Variants in PJA2 observed in about 807,000 individuals in gnomAD.
PJA2 encodes the protein praja ring finger ubiquitin ligase 2, also known as E3 ubiquitin-protein ligase Praja-2.
Under a neutral mutation model 69.3 loss-of-function variants are expected in PJA2, and 25 were observed. The ratio of observed to expected loss-of-function variants is 0.36; its 90% CI spans 0.26 to 0.50. PJA2 has a LOEUF of 0.50. Ranked by LOEUF, PJA2 falls within the 20% of genes least tolerant of loss-of-function variation. The pLI, the probability that PJA2 is intolerant of heterozygous loss-of-function variation, is 0.96. For synonymous variants in PJA2, 308 were observed against 277.8 expected (o/e 1.11, Z -1.08); for missense variants, 809 against 830.2 (o/e 0.97, Z 0.31).
chr5:109,404,793 T>C (rs1747644449), intron 1 of PJA2, among the ~76,000 whole-genome samples: 1 of 152,184 alleles, frequency 6.6e-6, no homozygotes, highest in Admixed American at 6.5e-5. Flanking sequence ...TTCAATGCTA[T>C]GAATTTTGGA....
intron 9 of PJA2, among the ~76,000 whole-genome samples, chr5:109,341,292 G>A (rs1185031748): frequency 4.2e-5 from 6 of 142,704 alleles, no homozygotes; most frequent in African/African-American, 5.3e-5. Flanking sequence ...CTGCCCCGCC[G>A]CCCCATCTGG....
At position 109,342,262 on chromosome 5, in the gene PJA2, G is replaced by A. The variant is rs867997516; in HGVS notation, c.2001+1928C>T. Among the ~76,000 whole-genome samples, 44 of 75,502 alleles carry A rather than the reference G, an allele frequency of 5.8e-4. 1 individual carries two copies. Among genetic ancestry groups the A allele is most frequent in the African/African-American group, 1.8e-3 (31 of 16,902 alleles). 49.5% of individuals were successfully genotyped at this position (75,502 alleles called of 152,430 possible). Reference sequence around the variant, plus strand: ...CAGGAGGTGAGGGGCGCCTCTGCCCGGCCGCCCCTACTGGGAAGTGAGGAG... The same window carrying A: ...CAGGAGGTGAGGGGCGCCTCTGCCCAGCCGCCCCTACTGGGAAGTGAGGAG... On this transcript the variant is annotated intron_variant, in intron 9 of 9. Coordinates refer to ENST00000361189, the MANE Select transcript of PJA2 (RefSeq NM_014819.5).
At chr5:109,363,543 T>C (rs960370508) in intron 5 of PJA2, among the ~76,000 whole-genome samples, 2 of 152,192 alleles carry the variant, frequency 1.3e-5, no homozygotes, top group African/African-American at 4.8e-5. Context: ...CCACTTCCTC[T>C]ACCTAAAATG....
intron 7 of PJA2, among the ~76,000 whole-genome samples, chr5:109,353,667 C>T (rs1435284273): frequency 1.4e-5 from 2 of 146,092 alleles, no homozygotes; most frequent in African/African-American, 4.9e-5. Context: ...CCTATTATAT[C>T]TACAGACATC....
rs549815535 is a variant in PJA2 at position 109,361,658 on chromosome 5, C to A, written c.1652+1182G>T. On this transcript the variant is annotated intron_variant, in intron 6 of 9. Transcript: ENST00000361189. ...GAGAGACGTATCAAGATCAGCAAGA[C>A]TGGGACTAGGTAAAGCCACTTATTC... 3.3e-5 allele frequency among the ~76,000 whole-genome samples: 5 copies of A among 152,304 alleles called. No homozygotes were observed. The South Asian group carries it at 1.0e-3, about 32-fold the overall frequency.
chr5:109,340,536 CAAAAACAG>C (rs1762023543), intron 9 of PJA2, among the ~76,000 whole-genome samples: 1 of 150,600 alleles, frequency 6.6e-6, no homozygotes, highest in Non-Finnish European at 1.5e-5. Flanking sequence ...ATCCTTTATG[CAAAAACAG>C]AGTTCACAGA....
At chr5:109,383,597 A>C (rs1263245892) in intron 1 of PJA2, 77 bp from the exon 2 acceptor site, 1 of 532,808 alleles carries the variant, frequency 1.9e-6, no homozygotes, top group African/African-American at 1.9e-5. Context: ...TGCTCCTCCT[A>C]GTGAAGTCTT....
At position 109,343,602 on chromosome 5, in the gene PJA2, T is replaced by A. The variant is rs7722919; in HGVS notation, c.2001+588A>T. Among the ~76,000 whole-genome samples, 1,018 of 152,232 alleles carry A rather than the reference T, an allele frequency of 6.7e-3. 8 individuals carry two copies. The highest frequency in any genetic ancestry group is 0.023 in the African/African-American group (960 of 41,538). The stretch of plus-strand genomic sequence containing the variant: ...ATTAAAATTCTAATCAGCTTTATTC[T>A]AAAATGAGTTTTCAGATATTTAATC... On this transcript the variant is annotated intron_variant, in intron 9 of 9. Coordinates refer to ENST00000361189, the MANE Select transcript of PJA2 (RefSeq NM_014819.5).
At position 109,335,259 on chromosome 5, in the gene PJA2, G is replaced by T. The variant is rs1647157350; in HGVS notation, c.*1972C>A. The T allele has an allele frequency of 6.6e-6, 1 of 152,560 alleles. No homozygotes were observed. The highest frequency in any genetic ancestry group is 2.4e-5 in the African/African-American group (1 of 41,434). The allele number at this position is 152,560 out of a possible 1,614,324, so 9.5% of individuals were successfully genotyped here. ...TCAACTTTTCTTCTTCACAGCAGCT[G>T]TTTATAGATAGTAGGGAGCCAAGAA... On this transcript the variant is annotated 3_prime_UTR_variant, in exon 10 of 10. Coordinates refer to ENST00000361189, the MANE Select transcript of PJA2 (RefSeq NM_014819.5).
intron 1 of PJA2, among the ~76,000 whole-genome samples, chr5:109,386,398 A>AT: frequency 6.6e-6 from 1 of 152,146 alleles, no homozygotes. Context: ...GCCTGATAGG[A>AT]ATGCTACTAA....
At chr5:109,392,413 T>C (rs1200314997) in intron 1 of PJA2, among the ~76,000 whole-genome samples, 2 of 151,672 alleles carry the variant, frequency 1.3e-5, no homozygotes, top group East Asian at 1.9e-4. Flanking sequence ...ATACAAAAAT[T>C]TGCCGCGCAT....
chr5:109,362,133 C>CT lies in PJA2; in HGVS notation c.1652+706dup, dbSNP rs543426424. Among the ~76,000 whole-genome samples the CT allele has an allele frequency of 1.0e-3, 153 of 152,220 alleles. 1 individual carries two copies. The highest frequency in any genetic ancestry group is 3.6e-3 in the African/African-American group (149 of 41,530). ...AACAAGTGTAAATACACCAAGATAT[C>CT]TTTTTTGCCCCAGAAAAAGTAAAAA... On this transcript the variant is annotated intron_variant, in intron 6 of 9. Coordinates refer to ENST00000361189, the MANE Select transcript of PJA2 (RefSeq NM_014819.5).
At chr5:109,409,346 G>A (rs1344735873) in intron 1 of PJA2, 1 of 152,374 alleles carries the variant, frequency 6.6e-6, no homozygotes. Flanking sequence ...GGCAACAGAA[G>A]GCTCCTCGGG....
At chr5:109,353,325 A>G (rs1381845513) in intron 7 of PJA2, among the ~76,000 whole-genome samples, 3 of 142,100 alleles carry the variant, frequency 2.1e-5, no homozygotes, top group Admixed American at 1.5e-4. Flanking sequence ...AGATATCTAT[A>G]TATTAGATAC....
At chr5:109,362,016 T>G (rs1762514040) in intron 6 of PJA2, among the ~76,000 whole-genome samples, 1 of 152,186 alleles carries the variant, frequency 6.6e-6, no homozygotes, top group African/African-American at 2.4e-5. Flanking sequence ...ATAAATGAGT[T>G]TTTTCTTATT....
At chr5:109,385,839 T>A (rs1286725295) in intron 1 of PJA2, among the ~76,000 whole-genome samples, 3 of 152,204 alleles carry the variant, frequency 2.0e-5, no homozygotes, top group East Asian at 3.8e-4. Flanking sequence ...CATAATGAGA[T>A]ATCGTGGGGA....
intron 1 of PJA2, among the ~76,000 whole-genome samples, chr5:109,405,027 T>C (rs1243298903): frequency 1.3e-5 from 2 of 152,196 alleles, no homozygotes; most frequent in African/African-American, 4.8e-5. Context: ...AATAACATGA[T>C]TGTCTACATA....
Position 109,355,934 on chromosome 5 carries a change from C to T in PJA2, c.1745G>A (p.Arg582His). 6.2e-7 allele frequency: 1 copy of T among 1,612,998 alleles called. No individual in the cohort carries two copies. Among genetic ancestry groups the T allele is most frequent in the Non-Finnish European group, 8.5e-7 (1 of 1,179,346 alleles). ...ACATACCTCCATAGCCTGGGCTAAG[C>T]GTTCTTCTAGTGCCATGTAGGTAAG... ...QFLTYMALEE[R>H]LAQAMETALA... Residue 582 changes from arginine (R) to histidine (H), a missense_variant, in exon 7 of 10, where the codon CGC (arginine) becomes CAC (histidine). This residue lies in a region of PJA2 where 55 missense variants were observed against 90.7 expected (regional missense o/e 0.61). Coordinates refer to ENST00000361189, the MANE Select transcript of PJA2 (RefSeq NM_014819.5).
At chr5:109,399,018 C>T (rs1177618434) in intron 1 of PJA2, among the ~76,000 whole-genome samples, 2 of 151,958 alleles carry the variant, frequency 1.3e-5, no homozygotes, top group Non-Finnish European at 2.9e-5. Context: ...TCGAGACCAG[C>T]CTGGCCAACA....
Sources: allele counts gnomAD v4.1 joint callset (sites outside exome capture counted in the v4.1 genomes callset), GRCh38; gene constraint gnomAD v4.1.1; regional missense constraint gnomAD v4.1.1; transcripts MANE v1.5; gene names NCBI Gene and HGNC (gene_info 2026-07-23, HGNC 2026-07-21).